The following PLCB1 variants were observed in gnomAD, a reference collection of about 807,000 sequenced individuals.
PLCB1 encodes the protein phospholipase C beta 1.
A neutral mutation model predicts 161.8 loss-of-function variants in PLCB1; 46 were observed. The observed-to-expected ratio is 0.28, with a 90% CI of 0.22 to 0.36. The LOEUF is 0.36. PLCB1 is among the 10% of genes least tolerant of loss of function. PLCB1 has a pLI of 1.00. For synonymous variants in PLCB1, 517 were observed against 503.7 expected (o/e 1.03, Z -0.35); for missense variants, 1,016 against 1,472.5 (o/e 0.69, Z 5.07).
At chr20:8,549,451 G>A (rs1600146085) in intron 3 of PLCB1, among the ~76,000 whole-genome samples, 1 of 152,140 alleles carries the variant, frequency 6.6e-6, no homozygotes, top group East Asian at 1.9e-4. Flanking sequence ...GATAAGTTTG[G>A]TTCTGTGTCC....
At chr20:8,531,970 G>A (rs1468359199) in intron 3 of PLCB1, among the ~76,000 whole-genome samples, 2 of 151,860 alleles carry the variant, frequency 1.3e-5, no homozygotes, top group African/African-American at 4.8e-5. Flanking sequence ...ATGTAAAAAT[G>A]ATAGTGAGTT....
chr20:8,823,116 AC>A (rs1985514566), intron 31 of PLCB1, among the ~76,000 whole-genome samples: 1 of 151,878 alleles, frequency 6.6e-6, no homozygotes, highest in South Asian at 2.1e-4. Flanking sequence ...CAAATACTAC[AC>A]CCCTTTTTTG....
chr20:8,166,226 A>C (rs539521233), intron 2 of PLCB1, among the ~76,000 whole-genome samples: 1 of 152,124 alleles, frequency 6.6e-6, no homozygotes, highest in Non-Finnish European at 1.5e-5. Flanking sequence ...TTTTCAATAC[A>C]TATCAACCTG....
At chr20:8,188,854 C>T (rs1002829065) in intron 2 of PLCB1, among the ~76,000 whole-genome samples, 2 of 152,034 alleles carry the variant, frequency 1.3e-5, no homozygotes, top group Non-Finnish European at 2.9e-5. Flanking sequence ...AGAATTCTTA[C>T]AGTATTGTGT....
chr20:8,602,697 C>T (rs1987628937), intron 3 of PLCB1, among the ~76,000 whole-genome samples: 1 of 152,130 alleles, frequency 6.6e-6, no homozygotes, highest in Non-Finnish European at 1.5e-5. Flanking sequence ...TTTAGAAAAC[C>T]TGTGTGCTGC....
At chr20:8,214,595 A>G (rs1345371215) in intron 2 of PLCB1, among the ~76,000 whole-genome samples, 2 of 152,068 alleles carry the variant, frequency 1.3e-5, no homozygotes, top group Non-Finnish European at 2.9e-5. Context: ...GAACAGCCCA[A>G]TACCCTGTGT....
intron 3 of PLCB1, among the ~76,000 whole-genome samples, chr20:8,560,758 T>C (rs1435365505): frequency 6.6e-6 from 1 of 152,036 alleles, no homozygotes; most frequent in Non-Finnish European, 1.5e-5. Context: ...ATTATAATCA[T>C]ACATTTTTCC....
intron 3 of PLCB1, among the ~76,000 whole-genome samples, chr20:8,466,186 C>A (rs1373108892): frequency 2.6e-5 from 4 of 151,768 alleles, no homozygotes; most frequent in African/African-American, 7.2e-5. Flanking sequence ...GACATGGATG[C>A]AATTGGAAAT....
At chr20:8,732,178 A>G (rs902586697) in intron 18 of PLCB1, 1 of 152,130 alleles carries the variant, frequency 6.6e-6, no homozygotes, top group African/African-American at 2.4e-5. Context: ...ATTGTAAGTA[A>G]TCACAGAAGT....
In PLCB1 at chr20:8,594,147, C is replaced by T. The variant is rs1051865796; in HGVS notation, c.247-34147C>T. Among the ~76,000 whole-genome samples the T allele has an allele frequency of 2.0e-5, 3 of 152,148 alleles. No individual in the cohort carries two copies. In the South Asian group the frequency reaches 6.2e-4, roughly 32 times the overall value. ...ATACTTCTGGCCTCAAGCAATCCTC[C>T]ACCTCAACCTCCCGAAGTGCTAGGA... On this transcript the variant is annotated intron_variant, in intron 3 of 31. Transcript: ENST00000338037.
intron 2 of PLCB1, among the ~76,000 whole-genome samples, chr20:8,264,111 CTT>C (rs1981837704): frequency 1.3e-5 from 2 of 152,246 alleles, no homozygotes; most frequent in African/African-American, 2.4e-5. Context: ...TCTTTACAGA[CTT>C]ATTCTATAAG....
chr20:8,685,138 A>G, intron 10 of PLCB1, 60 bp downstream of exon 10: 2 of 1,487,504 alleles, frequency 1.3e-6, no homozygotes, highest in African/African-American at 1.4e-5. Flanking sequence ...ACCAACCTCT[A>G]CTTTCTGTTG....
intron 3 of PLCB1, among the ~76,000 whole-genome samples, chr20:8,600,960 C>T (rs971010124): frequency 2.6e-5 from 4 of 152,128 alleles, no homozygotes; most frequent in South Asian, 2.1e-4. Context: ...TGCTTCAGCT[C>T]GCGCACGGTG....
chr20:8,767,274 C>G (rs1982368919), intron 26 of PLCB1, among the ~76,000 whole-genome samples: 1 of 152,168 alleles, frequency 6.6e-6, no homozygotes, highest in African/African-American at 2.4e-5. Context: ...GAGCTTCTAA[C>G]GAGCTCCTAA....
intron 25 of PLCB1, among the ~76,000 whole-genome samples, chr20:8,763,607 G>T (rs980100729): frequency 2.0e-5 from 3 of 151,906 alleles, no homozygotes. Context: ...GGCTGGTCTC[G>T]AACTCCTGAC....
At chr20:8,812,664 C>G (rs1240919931) in intron 31 of PLCB1, among the ~76,000 whole-genome samples, 1 of 152,172 alleles carries the variant, frequency 6.6e-6, no homozygotes, top group Non-Finnish European at 1.5e-5. Context: ...AAGTCTGTGC[C>G]TTTCTCCCCC....
intron 31 of PLCB1, among the ~76,000 whole-genome samples, chr20:8,824,093 A>AT (rs1238838642): frequency 6.6e-6 from 1 of 152,104 alleles, no homozygotes; most frequent in Non-Finnish European, 1.5e-5. Context: ...TCCATGCTAC[A>AT]TGTAGGATAA....
intron 3 of PLCB1, among the ~76,000 whole-genome samples, chr20:8,568,735 G>T (rs766731934): frequency 3.3e-5 from 5 of 151,988 alleles, no homozygotes; most frequent in Non-Finnish European, 7.4e-5. Flanking sequence ...CTAAGTCATT[G>T]CACTAAAGTA....
At chr20:8,710,771 C>T (rs59002317) in intron 12 of PLCB1, among the ~76,000 whole-genome samples, 6,648 of 152,038 alleles carry the variant, frequency 0.044, 486 homozygotes, top group African/African-American at 0.15. Context: ...ACCTCGGCCT[C>T]CCAAAGTGCT....
Sources: gnomAD v4.1 joint callset for allele counts (sites outside exome capture counted in the v4.1 genomes callset) on GRCh38, gnomAD v4.1.1 for gene constraint, MANE v1.5 for transcripts, NCBI Gene and HGNC (gene_info 2026-07-23, HGNC 2026-07-21) for gene names.